The following GNG4 variants were observed in gnomAD, a reference collection of about 807,000 sequenced individuals.
The protein encoded by GNG4 is guanine nucleotide-binding protein G(I)/G(S)/G(O) subunit gamma-4.
Under a neutral mutation model 5.8 loss-of-function variants are expected in GNG4, and 4 were observed. That is an observed-to-expected ratio of 0.69 (90% CI 0.34 to 1.57). The LOEUF is 1.57. GNG4 is among the 40% of genes most tolerant of loss of function. The pLI is 0.06. For synonymous variants in GNG4, 29 were observed against 32.9 expected (o/e 0.88, Z 0.41); for missense variants, 96 against 95.1 (o/e 1.01, Z -0.04).
chr1:235,620,748 G>T (rs959075893), intron 1 of GNG4, among the ~76,000 whole-genome samples: 1 of 152,140 alleles, frequency 6.6e-6, no homozygotes, highest in Non-Finnish European at 1.5e-5. Flanking sequence ...TGTTAGCCAG[G>T]AAGGTCTAGA....
rs550454969 is a variant in GNG4, at chr1:235,552,364, A to T, written c.100-127T>A. 9.0e-6 allele frequency: 7 copies of T among 777,152 alleles called. No homozygotes were observed. In the African/African-American group the frequency reaches 1.2e-4, roughly 13 times the overall value. 48.1% of individuals were successfully genotyped at this position (777,152 alleles called of 1,614,324 possible). On this transcript the variant is annotated intron_variant, in intron 3 of 3. Coordinates refer to ENST00000391854, the MANE Select transcript of GNG4 (RefSeq NM_001098722.2). ...CTGTATTGTGTGCACGGCCTACAAC[A>T]TGGTCATGCCCAGGCTGGAGGGAGG...
At chr1:235,573,980 T>C (rs1266627585) in intron 3 of GNG4, among the ~76,000 whole-genome samples, 5 of 152,198 alleles carry the variant, frequency 3.3e-5, no homozygotes, top group Admixed American at 1.3e-4. Context: ...GTGTACATTA[T>C]GGCCCCAGTT....
Position 235,607,698 on chromosome 1 carries a change from A to G in GNG4, c.-122-12187T>C, listed in dbSNP as rs909957697. Among the ~76,000 whole-genome samples the G allele has an allele frequency of 4.6e-5, 7 of 152,266 alleles. No homozygotes were observed. In the South Asian group the frequency reaches 8.3e-4, roughly 18 times the overall value. On this transcript the variant is annotated intron_variant, in intron 1 of 3. Coordinates refer to ENST00000391854, the MANE Select transcript of GNG4 (RefSeq NM_001098722.2). ...CTCCCTTTCATGCCATCCCATCGGC[A>G]CGGCTTTTCAGTATTCTTGCTAGGG... is the stretch of plus-strand genomic sequence containing the variant.
At chr1:235,638,195 G>A (rs181344832) in intron 1 of GNG4, among the ~76,000 whole-genome samples, 117 of 152,288 alleles carry the variant, frequency 7.7e-4, no homozygotes, top group African/African-American at 2.7e-3. Flanking sequence ...TTCTAGCTCC[G>A]GAAATGTGGG....
chr1:235,597,437 A>G (rs928988086), intron 1 of GNG4, among the ~76,000 whole-genome samples: 1 of 147,714 alleles, frequency 6.8e-6, no homozygotes, highest in Non-Finnish European at 1.5e-5. Flanking sequence ...CAAAGCCCCA[A>G]GGTGATGCTG....
chr1:235,604,287 A>G (rs1278330548), intron 1 of GNG4, among the ~76,000 whole-genome samples: 3 of 152,236 alleles, frequency 2.0e-5, no homozygotes, highest in Admixed American at 2.0e-4. Context: ...TCGCAGCTCT[A>G]CTGAAGTGGG....
intron 1 of GNG4, among the ~76,000 whole-genome samples, chr1:235,602,799 G>C (rs749925751): frequency 2.6e-5 from 4 of 152,156 alleles, no homozygotes; most frequent in Non-Finnish European, 4.4e-5. Context: ...CATTCAGGCT[G>C]GGTTCTCCTA....
At position 235,632,536 on chromosome 1, in the gene GNG4, C is replaced by T. The variant is rs571743253; in HGVS notation, c.-123+17126G>A. Among the ~76,000 whole-genome samples the T allele has an allele frequency of 3.9e-5, 6 of 152,300 alleles. No individual in the cohort carries two copies. In the South Asian group the frequency reaches 8.3e-4, roughly 21 times the overall value. On this transcript the variant is annotated intron_variant, in intron 1 of 3. Transcript: ENST00000391854. The stretch of plus-strand genomic sequence containing the variant: ...CCAACTGGAAAAAGTATTTTTCAGA[C>T]AGGAGGAGTGGATGAGGAGCCAGGA...
intron 3 of GNG4, among the ~76,000 whole-genome samples, chr1:235,577,728 T>C (rs1232301246): frequency 6.6e-6 from 1 of 152,140 alleles, no homozygotes; most frequent in African/African-American, 2.4e-5. Context: ...CTTGAGCCAC[T>C]GCGCCCGGCC....
intron 1 of GNG4, among the ~76,000 whole-genome samples, chr1:235,620,748 G>C (rs959075893): frequency 1.3e-5 from 2 of 152,140 alleles, no homozygotes; most frequent in African/African-American, 4.8e-5. Flanking sequence ...TGTTAGCCAG[G>C]AAGGTCTAGA....
rs1011363169 is a variant in GNG4, at chr1:235,616,133, C to T, written c.-122-20622G>A. Reference sequence around the variant, plus strand: ...CATTCAGCACTGTCTTCTTCAACCCCCTTCCGCCTGCTGCTATGTGGGTCT... The same window carrying T: ...CATTCAGCACTGTCTTCTTCAACCCTCTTCCGCCTGCTGCTATGTGGGTCT... On this transcript the variant is annotated intron_variant, in intron 1 of 3. Coordinates refer to ENST00000391854, the MANE Select transcript of GNG4 (RefSeq NM_001098722.2). The T allele has an allele frequency of 1.4e-4, 70 of 483,648 alleles. No homozygotes were observed. The Middle Eastern group carries it at 2.0e-3, about 14-fold the overall frequency. The allele number at this position is 483,648 out of a possible 1,614,324, so 30.0% of individuals were successfully genotyped here. A position where few individuals can be genotyped will look rare whatever the true frequency, so the allele number is the denominator to read the frequency against.
intron 3 of GNG4, among the ~76,000 whole-genome samples, chr1:235,565,123 G>A (rs1015215896): frequency 6.6e-6 from 1 of 152,210 alleles, no homozygotes; most frequent in African/African-American, 2.4e-5. Flanking sequence ...AGAGTCCAGA[G>A]GAGGCAGGAG....
chr1:235,631,046 G>A (rs1398081494), intron 1 of GNG4, among the ~76,000 whole-genome samples: 5 of 151,806 alleles, frequency 3.3e-5, no homozygotes, highest in Admixed American at 6.6e-5. Flanking sequence ...TTACAGGCAC[G>A]CACCACCATA....
intron 1 of GNG4, among the ~76,000 whole-genome samples, chr1:235,596,125 G>A (rs1446132760): frequency 1.3e-5 from 2 of 151,974 alleles, no homozygotes; most frequent in Non-Finnish European, 2.9e-5. Flanking sequence ...GGTGAGCCAA[G>A]ATCGCTCCAC....
intron 1 of GNG4, among the ~76,000 whole-genome samples, chr1:235,613,537 CAG>C (rs199823361): frequency 6.6e-6 from 1 of 151,938 alleles, no homozygotes; most frequent in African/African-American, 2.4e-5. Flanking sequence ...CGGTGTCAGT[CAG>C]AGAGAGAGAT....
chr1:235,584,217 A>C (rs1314772340), intron 2 of GNG4, among the ~76,000 whole-genome samples: 1 of 152,208 alleles, frequency 6.6e-6, no homozygotes, highest in African/African-American at 2.4e-5. Flanking sequence ...ACGTTTGCTC[A>C]TTCATTGCTC....
chr1:235,647,926 C>G (rs1241179278), intron 1 of GNG4, among the ~76,000 whole-genome samples: 1 of 152,176 alleles, frequency 6.6e-6, no homozygotes, highest in East Asian at 1.9e-4. Context: ...GATGTTCCCA[C>G]CTGATGTTCT....
chr1:235,578,771 G>A (rs1017285926), intron 3 of GNG4, among the ~76,000 whole-genome samples: 1 of 152,104 alleles, frequency 6.6e-6, no homozygotes, highest in African/African-American at 2.4e-5. Flanking sequence ...AGGCTGTGGG[G>A]TGGTGAGATT....
chr1:235,554,170 G>T (rs952720362), intron 3 of GNG4, among the ~76,000 whole-genome samples: 4 of 152,162 alleles, frequency 2.6e-5, no homozygotes, highest in African/African-American at 4.8e-5. Flanking sequence ...ATCACATGGT[G>T]AGTGCTGCAA....
Sources: gnomAD v4.1 joint callset for allele counts (sites outside exome capture counted in the v4.1 genomes callset) on GRCh38, gnomAD v4.1.1 for gene constraint, MANE v1.5 for transcripts, NCBI Gene and HGNC (gene_info 2026-07-23, HGNC 2026-07-21) for gene names.